PEAK1: variants seen among roughly 807,000 people sequenced by gnomAD.
The protein encoded by PEAK1 is pseudopodium enriched atypical kinase 1.
In PEAK1, 54 loss-of-function variants were observed where a neutral mutation model predicts 124.7. The observed-to-expected ratio is 0.43, with a 90% CI of 0.35 to 0.54. PEAK1 has a LOEUF of 0.54. Among genes scored for constraint, PEAK1 ranks in the 20% least tolerant of loss-of-function variants. The probability of loss-of-function intolerance (pLI) is 0.01; values close to 1 mark genes in which losing one functional copy is unlikely to be tolerated. For missense variants in PEAK1, 2,046 were observed against 2,134.5 expected, an observed-to-expected ratio of 0.96 and a Z score of 0.82; for synonymous variants, 719 against 760.0, an observed-to-expected ratio of 0.95 and a Z score of 0.89.
intron 6 of PEAK1, among the ~76,000 whole-genome samples, chr15:77,243,998 C>A (rs1034676168): frequency 2.0e-5 from 3 of 151,454 alleles, no homozygotes; most frequent in Non-Finnish European, 2.9e-5. Flanking sequence ...GAAAAAGAAA[C>A]CCACAGATGG....
At chr15:77,177,786 AT>A (rs1347626326) in intron 7 of PEAK1, 1 of 152,174 alleles carries the variant, frequency 6.6e-6, no homozygotes, top group East Asian at 1.9e-4. Flanking sequence ...CAGTTAATTC[AT>A]TTTGTTTACA....
intron 5 of PEAK1, among the ~76,000 whole-genome samples, chr15:77,263,158 T>C (rs557513428): frequency 6.6e-6 from 1 of 151,914 alleles, no homozygotes; most frequent in East Asian, 1.9e-4. Context: ...CCAAGAAAGA[T>C]CTAAAATTGA....
rs567808897 is a variant in PEAK1, at chr15:77,285,839, C to T, written c.-521+584G>A. Among the ~76,000 whole-genome samples the T allele has an allele frequency of 4.3e-3, 657 of 152,066 alleles. 1 individual carries two copies. Among genetic ancestry groups the T allele is most frequent in the African/African-American group, 0.013 (560 of 41,508 alleles). ...TTCATTGATTTTTTGAAGGGTTTTTCGTGTCTCTGCCTCCTTCAGTTCTGC... is the reference window on the plus strand; with the variant it reads ...TTCATTGATTTTTTGAAGGGTTTTTTGTGTCTCTGCCTCCTTCAGTTCTGC... On this transcript the variant is annotated intron_variant, in intron 3 of 9. Transcript: ENST00000682557.
intron 2 of PEAK1, among the ~76,000 whole-genome samples, chr15:77,338,429 A>G (rs987254012): frequency 3.3e-5 from 5 of 152,196 alleles, no homozygotes; most frequent in African/African-American, 1.2e-4. Flanking sequence ...TGATGCTTAA[A>G]GAAAATCTGT....
Position 77,115,265 on chromosome 15 carries a change from G to A in PEAK1, c.4132C>T (p.Arg1378Trp), listed in dbSNP as rs1414780018. The part of the protein sequence containing the change: ...SQQYYHSLAV[R>W]QSLAVHFNIQ... ...TTAAAATGGACAGCCAGACTCTGCC[G>A]GACAGCCAAGCTGTGATAATACTGC... Residue 1378 changes from arginine to tryptophan, a missense_variant, in exon 10 of 10, where the codon CGG becomes TGG. Physicochemically the swap from Arg to Trp is moderately radical, Grantham distance 101. Coordinates refer to ENST00000682557, the MANE Select transcript of PEAK1 (RefSeq NM_001385026.1). 4.3e-6 allele frequency: 7 copies of A among 1,613,966 alleles called. No homozygotes were observed. Among genetic ancestry groups the A allele is most frequent in the Non-Finnish European group, 5.9e-6 (7 of 1,180,008 alleles).
intron 8 of PEAK1, among the ~76,000 whole-genome samples, chr15:77,152,225 T>G (rs906815730): frequency 1.3e-5 from 2 of 152,194 alleles, no homozygotes; most frequent in African/African-American, 4.8e-5. Flanking sequence ...GTTGGATTCC[T>G]AGGTATTTTA....
At chr15:77,165,678 A>G (rs2056043051) in intron 7 of PEAK1, among the ~76,000 whole-genome samples, 1 of 152,194 alleles carries the variant, frequency 6.6e-6, no homozygotes, top group Admixed American at 6.5e-5. Flanking sequence ...AGGCTGACCG[A>G]GGAAATGGAT....
intron 1 of PEAK1, among the ~76,000 whole-genome samples, chr15:77,372,123 AG>A (rs2068685101): frequency 6.6e-6 from 1 of 152,234 alleles, no homozygotes; most frequent in Admixed American, 6.5e-5. Flanking sequence ...CTCTGATACG[AG>A]AAGAGATATC....
intron 2 of PEAK1, chr15:77,355,634 T>G (rs941134923): frequency 2.5e-6 from 1 of 397,798 alleles, no homozygotes; most frequent in African/African-American, 2.2e-5. Flanking sequence ...CTCACACCTC[T>G]ATATGGCCCT....
intron 2 of PEAK1, among the ~76,000 whole-genome samples, chr15:77,356,375 G>A (rs2067518530): frequency 6.6e-6 from 1 of 152,036 alleles, no homozygotes; most frequent in East Asian, 1.9e-4. Flanking sequence ...GTATTAGAGA[G>A]GCTGTAAAAC....
At chr15:77,391,102 G>T (rs2070412229) in intron 1 of PEAK1, among the ~76,000 whole-genome samples, 1 of 152,082 alleles carries the variant, frequency 6.6e-6, no homozygotes, top group Admixed American at 6.5e-5. Flanking sequence ...TTATTCCTGG[G>T]TAAGCTGGGC....
At chr15:77,334,670 T>A in intron 2 of PEAK1, 1 of 985,374 alleles carries the variant, frequency 1.0e-6, no homozygotes, top group Non-Finnish European at 1.2e-6. Context: ...TGGATCAGCA[T>A]CATTTCCATC....
At chr15:77,387,438 G>A (rs967375498) in intron 1 of PEAK1, among the ~76,000 whole-genome samples, 9 of 152,166 alleles carry the variant, frequency 5.9e-5, no homozygotes, top group African/African-American at 1.7e-4. Flanking sequence ...AAAACAGATG[G>A]ATTTGTTGTT....
In PEAK1 at chr15:77,214,565, A is replaced by G. The variant is rs572681298; in HGVS notation, c.-114-32525T>C. Among the ~76,000 whole-genome samples, 344 of 151,518 alleles carry G rather than the reference A, an allele frequency of 2.3e-3. 3 individuals are homozygous for G. The highest frequency in any genetic ancestry group is 7.7e-3 in the African/African-American group (319 of 41,314). On this transcript the variant is annotated intron_variant, in intron 6 of 9. Coordinates refer to ENST00000682557, the MANE Select transcript of PEAK1 (RefSeq NM_001385026.1). ...CGTGAACCCAGGAGGCGGAACTTGC[A>G]GTGAGCCAAGATCGCACCACTACAC...
At chr15:77,294,866 G>A (rs2063404292) in intron 2 of PEAK1, among the ~76,000 whole-genome samples, 1 of 152,030 alleles carries the variant, frequency 6.6e-6, no homozygotes, top group African/African-American at 2.4e-5. Flanking sequence ...AGGAAAAAAT[G>A]CTTTATAACA....
intron 6 of PEAK1, among the ~76,000 whole-genome samples, chr15:77,245,555 C>T (rs781468939): frequency 2.0e-5 from 3 of 151,536 alleles, no homozygotes; most frequent in African/African-American, 7.3e-5. Context: ...AAAAATTAGC[C>T]GGGCGTGGTG....
At chr15:77,393,769 G>A (rs1271355417) in intron 1 of PEAK1, among the ~76,000 whole-genome samples, 1 of 152,220 alleles carries the variant, frequency 6.6e-6, no homozygotes, top group African/African-American at 2.4e-5. Context: ...AGGAGACTTT[G>A]TCTTACAGCT....
rs371518234 is a variant in PEAK1 at position 77,160,919 on chromosome 15, G to A, written c.3138-2223C>T. 6.6e-5 allele frequency among the ~76,000 whole-genome samples: 10 copies of A among 152,184 alleles called. No homozygotes were observed. In the East Asian group the frequency reaches 1.7e-3, roughly 26 times the overall value. ...GCCACGATTCCATCCTCACTTGCCTGTTTTCATCCTAGGCAATGGGCTATT... is the reference window on the plus strand; with the variant it reads ...GCCACGATTCCATCCTCACTTGCCTATTTTCATCCTAGGCAATGGGCTATT... On this transcript the variant is annotated intron_variant, in intron 7 of 9. Coordinates refer to ENST00000682557, the MANE Select transcript of PEAK1 (RefSeq NM_001385026.1).
intron 6 of PEAK1, among the ~76,000 whole-genome samples, chr15:77,212,661 A>G (rs1384932646): frequency 1.3e-5 from 2 of 152,250 alleles, no homozygotes; most frequent in East Asian, 3.8e-4. Flanking sequence ...AGGCCAAAGG[A>G]CATTTTATTT....
Sources: gnomAD v4.1 joint callset for allele counts (sites outside exome capture counted in the v4.1 genomes callset) on GRCh38, gnomAD v4.1.1 for gene constraint, MANE v1.5 for transcripts, NCBI Gene and HGNC (gene_info 2026-07-23, HGNC 2026-07-21) for gene names.